ZNF439: variants seen among roughly 807,000 people sequenced by gnomAD.
ZNF439 encodes zinc finger protein 439.
Under a neutral mutation model 47.3 loss-of-function variants are expected in ZNF439, and 40 were observed. The observed-to-expected ratio is 0.85, with a 90% CI of 0.66 to 1.10. ZNF439 has a LOEUF of 1.10. ZNF439 is among the 50% of genes least tolerant of loss of function. The pLI is 0.00. For synonymous variants in ZNF439, 171 were observed against 198.8 expected (o/e 0.86, Z 1.18); for missense variants, 556 against 601.1 (o/e 0.93, Z 0.78).
Position 11,868,037 on chromosome 19 carries a change from A to G in ZNF439, c.983A>G (p.Lys328Arg), listed in dbSNP as rs765024884. The change falls in exon 4 of 4, where the codon AAA (lysine) becomes AGA (arginine). Residue 328 changes from lysine to arginine, a missense_variant. Lys to Arg is a conservative substitution (Grantham distance 26). Coordinates refer to ENST00000682736, the MANE Select transcript of ZNF439 (RefSeq NM_001348719.2). ...AGACATGAAAGGACCCACTCTAGGA[A>G]AAAACTTTATGAATGTAAGCAGTGT... ...VRRHERTHSR[K>R]KLYECKQCGK... is the part of the protein sequence containing the mutation. 2 of 1,614,076 alleles carry G rather than the reference A, an allele frequency of 1.2e-6. No homozygotes were observed. The highest frequency in any genetic ancestry group is 1.7e-6 in the Non-Finnish European group (2 of 1,180,032).
rs569798574 is a variant in ZNF439, at chr19:11,861,612, T to C, written c.64-4593T>C. 6.6e-5 allele frequency among the ~76,000 whole-genome samples: 10 copies of C among 152,306 alleles called. No individual in the cohort carries two copies. In the South Asian group the frequency reaches 1.2e-3, roughly 19 times the overall value. On this transcript the variant is annotated intron_variant, in intron 1 of 3. Transcript: ENST00000682736. ...CTGGTCAGCCAATTGGATGTTGCTA[T>C]TGAGGGAAAACAGAAATGATTCCTG...
At chr19:11,853,922 C>T (rs957911075) in intron 1 of ZNF439, among the ~76,000 whole-genome samples, 13 of 152,322 alleles carry the variant, frequency 8.5e-5, no homozygotes, top group South Asian at 4.1e-4. Flanking sequence ...CAGGAATTCA[C>T]TCCAGACTTC....
chr19:11,849,017 G>A (rs950260452), intron 1 of ZNF439, 87 bp downstream of exon 1: 78 of 1,380,012 alleles, frequency 5.7e-5, no homozygotes, highest in Non-Finnish European at 7.5e-5. Flanking sequence ...CGACTCCGGG[G>A]TCTGGGACCG....
intron 1 of ZNF439, chr19:11,857,793 G>C (rs1976427602): frequency 6.6e-6 from 1 of 152,208 alleles, no homozygotes; most frequent in Non-Finnish European, 1.5e-5. Flanking sequence ...ACTACTTTCT[G>C]AGGCCGAACA....
At chr19:11,865,970 G>A in intron 1 of ZNF439, 1 of 1,284,374 alleles carries the variant, frequency 7.8e-7, no homozygotes, top group Non-Finnish European at 1.0e-6. Context: ...AGCCGAGATT[G>A]CACCATTGTA....
At chr19:11,851,966 C>T (rs2607458) in intron 1 of ZNF439, among the ~76,000 whole-genome samples, 8 of 152,146 alleles carry the variant, frequency 5.3e-5, no homozygotes, top group African/African-American at 1.4e-4. Flanking sequence ...AATTTGTTAT[C>T]GTTTGCTTTT....
At chr19:11,862,389 C>T (rs1416427558) in intron 1 of ZNF439, among the ~76,000 whole-genome samples, 1 of 151,956 alleles carries the variant, frequency 6.6e-6, no homozygotes, top group African/African-American at 2.4e-5. Flanking sequence ...AGAGACCAGC[C>T]TGGTAGATAC....
rs753972277 is a variant in ZNF439, at chr19:11,867,269, AAC to A, written c.252-35_252-34del. The A allele has an allele frequency of 1.1e-5, 17 of 1,587,128 alleles. No individual in the cohort carries two copies. In the African/African-American group the frequency reaches 2.3e-4, roughly 22 times the overall value. On this transcript the variant is annotated intron_variant, in intron 3 of 3. Coordinates refer to ENST00000682736, the MANE Select transcript of ZNF439 (RefSeq NM_001348719.2). ...GCTGATTAATATAAAATTACTTATA[AAC>A]AAACTCTTCATAATTTGTTTCTCAT...
At chr19:11,865,069 C>A (rs894743888) in intron 1 of ZNF439, among the ~76,000 whole-genome samples, 3 of 152,180 alleles carry the variant, frequency 2.0e-5, no homozygotes, top group Non-Finnish European at 2.9e-5. Flanking sequence ...CATGAGCCAC[C>A]GCACCAGGCC....
chr19:11,864,397 A>G (rs918933842), intron 1 of ZNF439, among the ~76,000 whole-genome samples: 1 of 152,144 alleles, frequency 6.6e-6, no homozygotes, highest in African/African-American at 2.4e-5. Flanking sequence ...TCCCGGGTTC[A>G]AAGGATTCTC....
chr19:11,849,458 C>A (rs940331248), intron 1 of ZNF439: 5 of 303,188 alleles, frequency 1.6e-5, no homozygotes, highest in Non-Finnish European at 4.9e-6. Context: ...AGACCTTGGC[C>A]GAGGGAAACA....
chr19:11,866,677 A>G, intron 3 of ZNF439, 80 bp downstream of exon 3: 1 of 1,419,574 alleles, frequency 7.0e-7, no homozygotes, highest in Non-Finnish European at 9.7e-7. Context: ...TAAGTAAAAC[A>G]AAGAACTAAG....
In ZNF439 at chr19:11,849,098, C is replaced by T; in HGVS notation, c.63+168C>T. On this transcript the variant is annotated intron_variant, in intron 1 of 3. Transcript: ENST00000682736. ...TGTGGGTGGGCCGGCAGCCGGGACT[C>T]CGGGCGTCCTGTCCCGTCCCTGCCC... is the stretch of plus-strand genomic sequence containing the variant. 5.0e-6 allele frequency: 6 copies of T among 1,205,172 alleles called. No homozygotes were observed. In the South Asian group the frequency reaches 6.4e-5, roughly 13 times the overall value. The allele number at this position is 1,205,172 out of a possible 1,614,324, so 74.7% of individuals were successfully genotyped here.
chr19:11,862,926 A>G (rs374208709), intron 1 of ZNF439, among the ~76,000 whole-genome samples: 1 of 149,320 alleles, frequency 6.7e-6, no homozygotes, highest in East Asian at 2.0e-4. Context: ...TTTTTGTATT[A>G]TTAGTAGAGA....
chr19:11,866,539 A>G lies in ZNF439; in HGVS notation c.193A>G (p.Lys65Glu). ...ATTTTTCTGTGTTTGTATTTTAGGA[A>G]AAAAGTGGAAAGACCAGAACATTGA... ...ETFWNLTSIG[K>E]KWKDQNIEYE... The change falls in exon 3 of 4, where the codon AAA (lysine) becomes GAA (glutamate). Residue 65 changes from lysine to glutamate, a missense_variant and splice_region_variant. Physicochemically the swap from Lys to Glu is moderately conservative, Grantham distance 56. Transcript: ENST00000682736. The G allele has an allele frequency of 6.2e-7, 1 of 1,612,972 alleles. No individual in the cohort carries two copies. The highest frequency in any genetic ancestry group is 1.3e-5 in the African/African-American group (1 of 74,994).
At position 11,868,454 on chromosome 19, in the gene ZNF439, G is replaced by A. The variant is rs759653898; in HGVS notation, c.1400G>A (p.Gly467Glu). 27 of 1,613,808 alleles carry A rather than the reference G, an allele frequency of 1.7e-5. No homozygotes were observed. The highest frequency in any genetic ancestry group is 2.3e-5 in the Non-Finnish European group (27 of 1,179,958). Residue 467 changes from glycine to glutamate, a missense_variant, in exon 4 of 4, where the codon GGA becomes GAA. Gly to Glu is a moderately conservative substitution (Grantham distance 98). Coordinates refer to ENST00000682736, the MANE Select transcript of ZNF439 (RefSeq NM_001348719.2). ...CGAATCCATCGTAGGATTCACACTG[G>A]AGAGAAACCCTATGAATGTAAGAAA... ...QLRIHRRIHT[G>E]EKPYECKKCG...
Position 11,866,193 on chromosome 19 carries a change from G to A in ZNF439, c.64-12G>A. 1 of 1,614,114 alleles carries A rather than the reference G, an allele frequency of 6.2e-7. No individual in the cohort carries two copies. On this transcript the variant is annotated splice_polypyrimidine_tract_variant and intron_variant, in intron 1 of 3. Transcript: ENST00000682736. The stretch of plus-strand genomic sequence containing the variant: ...CTCACCCATCCTCCTCTACACATGT[G>A]AGATGTTTCAGGACCCAGTGGCTTT...
At chr19:11,862,164 C>G (rs2145174790) in intron 1 of ZNF439, among the ~76,000 whole-genome samples, 1 of 152,326 alleles carries the variant, frequency 6.6e-6, no homozygotes, top group African/African-American at 2.4e-5. Context: ...CCTGCCTCAG[C>G]TTCCCAAAGT....
chr19:11,852,656 C>A (rs1599310605), intron 1 of ZNF439, among the ~76,000 whole-genome samples: 1 of 152,108 alleles, frequency 6.6e-6, no homozygotes, highest in African/African-American at 2.4e-5. Context: ...ATTACAGGTA[C>A]ATGCCACCAT....
Sources: gnomAD v4.1 joint callset for allele counts (sites outside exome capture counted in the v4.1 genomes callset) on GRCh38, gnomAD v4.1.1 for gene constraint, MANE v1.5 for transcripts, NCBI Gene and HGNC (gene_info 2026-07-23, HGNC 2026-07-21) for gene names.